The following CORO2B variants were observed in gnomAD, a reference collection of about 807,000 sequenced individuals.
The protein encoded by CORO2B is coronin-2B.
CORO2B carries 26 observed loss-of-function variants against 58.8 expected under a neutral mutation model. That is an observed-to-expected ratio of 0.44 (90% confidence interval 0.32 to 0.61). The LOEUF is 0.61. Ranked by LOEUF, CORO2B falls within the 20% of genes least tolerant of loss-of-function variation. CORO2B has a pLI of 0.04. For missense variants in CORO2B, 460 were observed against 645.1 expected (o/e 0.71, Z 3.11); for synonymous variants, 242 against 253.8 (o/e 0.95, Z 0.44).
chr15:68,705,891 G>C (rs1596028849), intron 3 of CORO2B, among the ~76,000 whole-genome samples: 1 of 152,186 alleles, frequency 6.6e-6, no homozygotes, highest in East Asian at 1.9e-4. Flanking sequence ...CCTCAAGACA[G>C]GTTAACTGGC....
At chr15:68,685,145 T>C (rs986395808) in intron 2 of CORO2B, among the ~76,000 whole-genome samples, 15 of 152,360 alleles carry the variant, frequency 9.8e-5, no homozygotes, top group Admixed American at 9.8e-4. Context: ...CTAATGTGAC[T>C]TCTGTCTTCC....
chr15:68,635,089 C>G (rs540370563), intron 1 of CORO2B, among the ~76,000 whole-genome samples: 1 of 152,178 alleles, frequency 6.6e-6, no homozygotes, highest in Non-Finnish European at 1.5e-5. Flanking sequence ...ACCTGGGGCT[C>G]GCACTCCAAG....
At chr15:68,630,835 T>C (rs1050965888) in intron 1 of CORO2B, among the ~76,000 whole-genome samples, 1 of 152,188 alleles carries the variant, frequency 6.6e-6, no homozygotes, top group Non-Finnish European at 1.5e-5. Context: ...GGCCACAAAA[T>C]GGGTGCCAGA....
At chr15:68,672,682 A>G (rs1902442789) in intron 2 of CORO2B, among the ~76,000 whole-genome samples, 1 of 152,214 alleles carries the variant, frequency 6.6e-6, no homozygotes, top group Non-Finnish European at 1.5e-5. Context: ...AAGTGAAGAA[A>G]TGGTGCCTCT....
intron 1 of CORO2B, among the ~76,000 whole-genome samples, chr15:68,602,033 A>G (rs1458558723): frequency 1.3e-5 from 2 of 150,850 alleles, no homozygotes; most frequent in East Asian, 1.9e-4. Context: ...TTTTAAATAA[A>G]TGCCTTAATC....
intron 2 of CORO2B, among the ~76,000 whole-genome samples, chr15:68,684,845 A>T (rs924206515): frequency 1.1e-4 from 17 of 152,308 alleles, no homozygotes; most frequent in African/African-American, 3.4e-4. Context: ...AGGGAGCCCG[A>T]TCTCTGCCCA....
chr15:68,572,834 A>C, the CORO2B span, among the ~76,000 whole-genome samples: 1 of 152,188 alleles, frequency 6.6e-6, no homozygotes, highest in East Asian at 1.9e-4. Context: ...GCTCTATACA[A>C]GGGACTGGGC....
chr15:68,699,332 A>G lies in CORO2B; in HGVS notation c.333+4076A>G, dbSNP rs141525164. ...CCACCGAGTGTGGTGCATGGGAGAC[A>G]CTACACGCTCCAGGGAACCAAGGGG... is the stretch of plus-strand genomic sequence containing the variant. On this transcript the variant is annotated intron_variant, in intron 3 of 11. Coordinates refer to ENST00000261861, the MANE Select transcript of CORO2B (RefSeq NM_006091.5). 2.7e-3 allele frequency among the ~76,000 whole-genome samples: 413 copies of G among 152,230 alleles called. 2 individuals are homozygous for G. Among genetic ancestry groups the G allele is most frequent in the African/African-American group, 9.4e-3 (390 of 41,526 alleles).
chr15:68,543,054 G>A, the CORO2B span, among the ~76,000 whole-genome samples: 1 of 152,228 alleles, frequency 6.6e-6, no homozygotes, highest in Admixed American at 6.5e-5. Context: ...CTGAGGCAAT[G>A]TGAGTCCAAA....
intron 1 of CORO2B, among the ~76,000 whole-genome samples, chr15:68,611,130 A>G (rs1240699926): frequency 7.9e-5 from 12 of 152,226 alleles, no homozygotes; most frequent in African/African-American, 2.7e-4. Flanking sequence ...CCAGTTCTCT[A>G]TATGTACACG....
At chr15:68,632,700 C>T (rs866434899) in intron 1 of CORO2B, among the ~76,000 whole-genome samples, 6 of 152,220 alleles carry the variant, frequency 3.9e-5, no homozygotes, top group East Asian at 1.9e-4. Context: ...AAGTGATTCT[C>T]GTACCTCAGC....
chr15:68,577,578 G>C (rs1432764178), upstream of CORO2B, among the ~76,000 whole-genome samples: 1 of 151,906 alleles, frequency 6.6e-6, no homozygotes, highest in Non-Finnish European at 1.5e-5. Flanking sequence ...AAAATTAGCC[G>C]GGCGTGGTAG....
chr15:68,578,872 C>A, upstream of CORO2B: 2 of 329,470 alleles, frequency 6.1e-6, no homozygotes, highest in Non-Finnish European at 8.7e-6. The surrounding 1 kb of genome is among the most constrained non-coding windows in gnomAD (Gnocchi z 4.2). Flanking sequence ...AGGCTCGGGG[C>A]ACGGCCGCTG....
chr15:68,551,003 G>A, the CORO2B span, among the ~76,000 whole-genome samples: 2 of 152,076 alleles, frequency 1.3e-5, no homozygotes, highest in African/African-American at 4.8e-5. Context: ...CCTCAGAGAG[G>A]TTGGGATGAC....
At chr15:68,631,506 G>T (rs1014225589) in intron 1 of CORO2B, among the ~76,000 whole-genome samples, 1 of 152,166 alleles carries the variant, frequency 6.6e-6, no homozygotes, top group African/African-American at 2.4e-5. Flanking sequence ...GCCATCCTCT[G>T]TTTGGCCCAC....
At chr15:68,599,947 C>T (rs903269134) in intron 1 of CORO2B, among the ~76,000 whole-genome samples, 4 of 152,204 alleles carry the variant, frequency 2.6e-5, no homozygotes, top group African/African-American at 9.6e-5. Context: ...GGCTAGGAGG[C>T]ATGCCCCTCC....
At chr15:68,578,807 GGCGCCCGTCCGGACTCCGGGA>G (rs1324051874), upstream of CORO2B, among the ~76,000 whole-genome samples, 2 of 151,984 alleles carry the variant, frequency 1.3e-5, no homozygotes, top group Non-Finnish European at 2.9e-5. The surrounding 1 kb of genome is among the most constrained non-coding windows in gnomAD (Gnocchi z 4.2). Context: ...CGCGGACCCG[GGCGCCCGTCCGGACTCCGGGA>G]GCAGCGGTGC....
chr15:68,618,143 C>A (rs1595971056), intron 1 of CORO2B, among the ~76,000 whole-genome samples: 3 of 152,118 alleles, frequency 2.0e-5, no homozygotes, highest in Admixed American at 1.3e-4. Flanking sequence ...TACACACACA[C>A]ACACACAAAT....
intron 2 of CORO2B, among the ~76,000 whole-genome samples, chr15:68,675,200 T>C (rs1303522237): frequency 6.6e-6 from 1 of 152,212 alleles, no homozygotes; most frequent in African/African-American, 2.4e-5. Context: ...CCAGCATGAA[T>C]TGGAATGTTT....
Sources: gnomAD v4.1 joint callset for allele counts (sites outside exome capture counted in the v4.1 genomes callset) on GRCh38, gnomAD v4.1.1 for gene constraint, Gnocchi (gnomAD v3.1) non-coding constraint, MANE v1.5 for transcripts, NCBI Gene and HGNC (gene_info 2026-07-23, HGNC 2026-07-21) for gene names.